The following TP63 variants were observed in gnomAD, a reference collection of about 807,000 sequenced individuals.
TP63 encodes tumor protein 63.
TP63 carries 17 observed loss-of-function variants against 82.8 expected under a neutral mutation model. The ratio of observed to expected loss-of-function variants is 0.21; its 90% CI spans 0.14 to 0.31. The LOEUF is 0.31. Ranked by LOEUF, TP63 falls within the 10% of genes least tolerant of loss-of-function variation. The pLI is 1.00. For missense variants in TP63, 648 were observed against 895.3 expected (o/e 0.72, Z 3.52); for synonymous variants, 330 against 321.7 (o/e 1.03, Z -0.28).
At chr3:189,818,450 G>A (rs544806748) in intron 4 of TP63, among the ~76,000 whole-genome samples, 10 of 151,948 alleles carry the variant, frequency 6.6e-5, no homozygotes, top group Admixed American at 3.3e-4. Context: ...CTTATAAAAT[G>A]TTATTTTTAT....
intron 4 of TP63, chr3:189,829,948 C>A: frequency 2.8e-6 from 1 of 358,188 alleles, no homozygotes; most frequent in Non-Finnish European, 5.7e-6. Flanking sequence ...ATCTGATATA[C>A]AATATTTTCT....
the TP63 span, among the ~76,000 whole-genome samples, chr3:189,596,748 C>G: frequency 6.6e-6 from 1 of 152,206 alleles, no homozygotes; most frequent in Non-Finnish European, 1.5e-5. Flanking sequence ...CCAGCAGTGG[C>G]AACCCGCTGG....
At chr3:189,684,723 C>G (rs760859616) in intron 1 of TP63, among the ~76,000 whole-genome samples, 1 of 151,260 alleles carries the variant, frequency 6.6e-6, no homozygotes, top group Non-Finnish European at 1.5e-5. Context: ...CTCCGCCTCC[C>G]GAGTTCAAGC....
the TP63 span, among the ~76,000 whole-genome samples, chr3:189,614,344 G>A: frequency 6.6e-6 from 1 of 152,136 alleles, no homozygotes; most frequent in African/African-American, 2.4e-5. Flanking sequence ...CACCATGTAA[G>A]AAGTGCTTTT....
intron 3 of TP63, among the ~76,000 whole-genome samples, chr3:189,766,459 C>A (rs1214241466): frequency 6.6e-6 from 1 of 151,762 alleles, no homozygotes; most frequent in Non-Finnish European, 1.5e-5. Context: ...TAAGGTATTA[C>A]ACTAATAAAG....
upstream of TP63, among the ~76,000 whole-genome samples, chr3:189,629,803 C>T (rs987242982): frequency 6.6e-6 from 1 of 152,164 alleles, no homozygotes; most frequent in African/African-American, 2.4e-5. Context: ...GCTGTGGTCA[C>T]AGGAAATTGA....
At chr3:189,813,109 G>C (rs746096950) in intron 4 of TP63, among the ~76,000 whole-genome samples, 5 of 152,086 alleles carry the variant, frequency 3.3e-5, no homozygotes, top group Non-Finnish European at 7.4e-5. Flanking sequence ...GTTGATTTTT[G>C]ACATTCGTTC....
At chr3:189,840,357 G>A (rs4687099) in intron 4 of TP63, among the ~76,000 whole-genome samples, 4 of 49,944 alleles carry the variant, frequency 8.0e-5, no homozygotes, top group South Asian at 8.9e-4. Flanking sequence ...TTTGCTTTTC[G>A]TCTTTTTTTT....
rs368049310 is a variant in TP63, at chr3:189,800,490, G to A, written c.325-7782G>A. Among the ~76,000 whole-genome samples, 978 of 135,022 alleles carry A rather than the reference G, an allele frequency of 7.2e-3. 9 individuals are homozygous for A. Among genetic ancestry groups the A allele is most frequent in the African/African-American group, 0.024 (919 of 37,654 alleles). 88.6% of individuals were successfully genotyped at this position (135,022 alleles called of 152,430 possible). Reference sequence around the variant, plus strand: ...CTTTAATGAGTAAAAAAAAAAAAAAGAAAAAAAAAGCAAATAAAAGAGGTG... The same window carrying A: ...CTTTAATGAGTAAAAAAAAAAAAAAAAAAAAAAAAGCAAATAAAAGAGGTG... On this transcript the variant is annotated intron_variant, in intron 3 of 13. Transcript: ENST00000264731.
At chr3:189,675,623 A>G (rs1185972844) in intron 1 of TP63, among the ~76,000 whole-genome samples, 1 of 152,140 alleles carries the variant, frequency 6.6e-6, no homozygotes, top group African/African-American at 2.4e-5. Flanking sequence ...CTTTATCCAC[A>G]TCACCTGCTT....
At position 189,894,881 on chromosome 3, in the gene TP63, T is replaced by C; in HGVS notation, c.*379T>C. 4.3e-6 allele frequency: 1 copy of C among 231,636 alleles called. No individual in the cohort carries two copies. The highest frequency in any genetic ancestry group is 8.6e-6 in the Non-Finnish European group (1 of 116,244). The allele number at this position is 231,636 out of a possible 1,614,324, so 14.3% of individuals were successfully genotyped here. On this transcript the variant is annotated 3_prime_UTR_variant, in exon 14 of 14. Transcript: ENST00000264731. ...AGTATAGATTTTTGGGTGGGGGGCA[T>C]TGAGTATTGTTTAAAATGTAATTTA...
intron 11 of TP63, among the ~76,000 whole-genome samples, chr3:189,888,511 G>A (rs1340659509): frequency 6.6e-6 from 1 of 152,118 alleles, no homozygotes; most frequent in Non-Finnish European, 1.5e-5. Flanking sequence ...ATGTGATAGG[G>A]TATGCTCTTT....
intron 10 of TP63, chr3:189,873,394 C>A: frequency 3.4e-6 from 1 of 298,140 alleles, no homozygotes; most frequent in South Asian, 3.4e-5. Flanking sequence ...GGGATGCACA[C>A]TATCCACTTT....
chr3:189,743,736 C>T (rs992191147), intron 3 of TP63, among the ~76,000 whole-genome samples: 8 of 152,184 alleles, frequency 5.3e-5, no homozygotes, highest in Middle Eastern at 3.4e-3. Flanking sequence ...GGGAAAAAAC[C>T]GGAATTCAAC....
chr3:189,798,531 C>T (rs902097069), intron 3 of TP63, among the ~76,000 whole-genome samples: 2 of 152,038 alleles, frequency 1.3e-5, no homozygotes, highest in African/African-American at 4.8e-5. Context: ...TTTTATCTTG[C>T]TTTGCAGGCC....
intron 1 of TP63, among the ~76,000 whole-genome samples, chr3:189,674,687 A>G (rs1221127185): frequency 6.6e-6 from 1 of 152,150 alleles, no homozygotes; most frequent in Non-Finnish European, 1.5e-5. Flanking sequence ...TACCAGGCTG[A>G]GTAGATTCCC....
At chr3:189,864,747 C>A (rs2108797420) in intron 5 of TP63, among the ~76,000 whole-genome samples, 1 of 151,942 alleles carries the variant, frequency 6.6e-6, no homozygotes, top group Non-Finnish European at 1.5e-5. Context: ...TGGCTCATGC[C>A]CGTAATCCCA....
At chr3:189,650,395 C>G (rs189346965) in intron 1 of TP63, among the ~76,000 whole-genome samples, 9 of 147,024 alleles carry the variant, frequency 6.1e-5, no homozygotes, top group Admixed American at 6.0e-4. Context: ...GCTGTGTCCC[C>G]CGCCCCAAAT....
chr3:189,758,436 G>C (rs904530970), intron 3 of TP63, among the ~76,000 whole-genome samples: 2 of 152,172 alleles, frequency 1.3e-5, no homozygotes, highest in Admixed American at 1.3e-4. Flanking sequence ...CCCCTCCTTA[G>C]TGCACATGTC....
Sources: gnomAD v4.1 joint callset for allele counts (sites outside exome capture counted in the v4.1 genomes callset) on GRCh38, gnomAD v4.1.1 for gene constraint, MANE v1.5 for transcripts, NCBI Gene and HGNC (gene_info 2026-07-23, HGNC 2026-07-21) for gene names.